Variants in RALGAPA1 observed in about 807,000 individuals in gnomAD.
RALGAPA1 encodes the protein ral GTPase-activating protein subunit alpha-1.
In RALGAPA1, 52 loss-of-function variants were observed where a neutral mutation model predicts 269.6. The observed-to-expected ratio is 0.19, with a 90% CI of 0.15 to 0.24. RALGAPA1 has a LOEUF of 0.24. Among genes scored for constraint, RALGAPA1 ranks in the 10% least tolerant of loss-of-function variants. RALGAPA1 has a pLI of 1.00. For synonymous variants in RALGAPA1, 817 were observed against 1,008.3 expected (o/e 0.81, Z 3.60); for missense variants, 1,917 against 3,013.9 (o/e 0.64, Z 8.52).
intron 37 of RALGAPA1, among the ~76,000 whole-genome samples, chr14:35,590,698 T>C (rs1470119068): frequency 6.6e-6 from 1 of 152,240 alleles, no homozygotes; most frequent in Non-Finnish European, 1.5e-5. Context: ...CTCAGTATTC[T>C]TTATAGCAAT....
At chr14:35,669,361 T>A (rs1324317675) in intron 26 of RALGAPA1, among the ~76,000 whole-genome samples, 3 of 152,186 alleles carry the variant, frequency 2.0e-5, no homozygotes, top group Non-Finnish European at 4.4e-5. Context: ...TTCAAGCGAT[T>A]CTCCTGTGTC....
chr14:35,678,002 C>A lies in RALGAPA1; in HGVS notation c.4572G>T (p.Leu1524=). 1 of 1,613,696 alleles carries A rather than the reference C, an allele frequency of 6.2e-7. No individual in the cohort carries two copies. Among genetic ancestry groups the A allele is most frequent in the Non-Finnish European group, 8.5e-7 (1 of 1,179,908 alleles). ...AGTGGTGGAGCTTCTCGTCGAGCTG[C>A]AGATCCTTCTGTTCCATGTGATCTA... ...LNIDHMEQKD[L]QLDEKLHHSV... The change falls in exon 22 of 42, where the codon CTG becomes CTT. Residue 1524 remains leucine (L), a synonymous_variant. Coordinates refer to ENST00000680220, the MANE Select transcript of RALGAPA1 (RefSeq NM_001346249.2).
At chr14:35,568,530 TA>T (rs1327378615) in intron 39 of RALGAPA1, among the ~76,000 whole-genome samples, 2 of 152,184 alleles carry the variant, frequency 1.3e-5, no homozygotes, top group Non-Finnish European at 2.9e-5. Flanking sequence ...AATGAAGCCG[TA>T]ATTCCTAAAA....
intron 37 of RALGAPA1, among the ~76,000 whole-genome samples, chr14:35,585,337 G>A (rs983460124): frequency 6.6e-6 from 1 of 151,956 alleles, no homozygotes; most frequent in African/African-American, 2.4e-5. Flanking sequence ...AAAGATAGTT[G>A]GAAAACCCCA....
At chr14:35,685,886 T>A (rs1384064756) in intron 19 of RALGAPA1, among the ~76,000 whole-genome samples, 1 of 152,152 alleles carries the variant, frequency 6.6e-6, no homozygotes, top group Non-Finnish European at 1.5e-5. Flanking sequence ...AGCGACACTC[T>A]GTCTCAAAAG....
At chr14:35,800,172 G>A (rs1019012102) in intron 1 of RALGAPA1, among the ~76,000 whole-genome samples, 3 of 152,172 alleles carry the variant, frequency 2.0e-5, no homozygotes, top group Non-Finnish European at 2.9e-5. Context: ...CTCAGTACTT[G>A]ATGAAAACAG....
chr14:35,717,351 A>G (rs1171354754), intron 16 of RALGAPA1, among the ~76,000 whole-genome samples: 4 of 152,162 alleles, frequency 2.6e-5, no homozygotes, highest in African/African-American at 9.7e-5. Flanking sequence ...GGATTTCACC[A>G]TATTAGCCAG....
At chr14:35,803,351 T>C (rs1006157966) in intron 1 of RALGAPA1, among the ~76,000 whole-genome samples, 6 of 152,166 alleles carry the variant, frequency 3.9e-5, no homozygotes, top group Middle Eastern at 3.4e-3. Context: ...AGATGAATCA[T>C]AGAGGAAAAT....
rs762805914 is a variant in RALGAPA1 at position 35,654,369 on chromosome 14, G to C, written c.5605C>G (p.Gln1869Glu). ...YQPDSPLKII[Q>E]ILIATITHLL... ...TAAATAAATGAGAAATTACTTACTT[G>C]AATAATTTTCAAGGGAGAATCAGGC... is the stretch of plus-strand genomic sequence containing the variant. The change falls in exon 30 of 42, where the codon CAA becomes GAA. Residue 1869 changes from glutamine (Q) to glutamate (E), a missense_variant and splice_region_variant. Physicochemically the swap from Gln to Glu is conservative, Grantham distance 29. Around this residue, in one of 11 missense-constraint regions of RALGAPA1, gnomAD observed 346 missense variants for 566.1 expected, o/e 0.61. Coordinates refer to ENST00000680220, the MANE Select transcript of RALGAPA1 (RefSeq NM_001346249.2). The C allele has an allele frequency of 6.3e-7, 1 of 1,582,522 alleles. No homozygotes were observed. Among genetic ancestry groups the C allele is most frequent in the Non-Finnish European group, 8.5e-7 (1 of 1,170,434 alleles).
At chr14:35,605,288 C>T (rs2059531974) in intron 36 of RALGAPA1, among the ~76,000 whole-genome samples, 2 of 152,046 alleles carry the variant, frequency 1.3e-5, no homozygotes, top group Non-Finnish European at 2.9e-5. Flanking sequence ...GCCATTAGGT[C>T]CTAGTTTGAA....
At chr14:35,639,669 G>A (rs2139809552) in intron 31 of RALGAPA1, among the ~76,000 whole-genome samples, 1 of 152,302 alleles carries the variant, frequency 6.6e-6, no homozygotes, top group East Asian at 1.9e-4. Flanking sequence ...GCCAGGTGCG[G>A]TGGCTCGTGC....
intron 27 of RALGAPA1, among the ~76,000 whole-genome samples, chr14:35,664,081 G>A (rs1464382258): frequency 6.6e-6 from 1 of 152,042 alleles, no homozygotes; most frequent in Non-Finnish European, 1.5e-5. Flanking sequence ...TCTCCTAACT[G>A]GACACAATTG....
intron 39 of RALGAPA1, among the ~76,000 whole-genome samples, chr14:35,560,224 G>A (rs2056073913): frequency 6.6e-6 from 1 of 152,154 alleles, no homozygotes; most frequent in Non-Finnish European, 1.5e-5. Context: ...AGTAGCATTA[G>A]AAAACCACAT....
At chr14:35,587,091 C>T (rs2058345967) in intron 37 of RALGAPA1, among the ~76,000 whole-genome samples, 1 of 152,170 alleles carries the variant, frequency 6.6e-6, no homozygotes, top group Non-Finnish European at 1.5e-5. Flanking sequence ...CCGTCTGGTC[C>T]TGGACTGTTG....
At chr14:35,700,800 C>A (rs1292436530) in intron 16 of RALGAPA1, among the ~76,000 whole-genome samples, 1 of 152,176 alleles carries the variant, frequency 6.6e-6, no homozygotes, top group African/African-American at 2.4e-5. Flanking sequence ...AAATCACTCA[C>A]AGGTCTTTCT....
At chr14:35,808,321 A>G (rs985098744) in intron 1 of RALGAPA1, among the ~76,000 whole-genome samples, 1 of 152,150 alleles carries the variant, frequency 6.6e-6, no homozygotes, top group African/African-American at 2.4e-5. Context: ...ATCTGCCAAG[A>G]AACTTGAAAG....
At chr14:35,747,958 G>C (rs2072280914) in intron 10 of RALGAPA1, among the ~76,000 whole-genome samples, 1 of 150,756 alleles carries the variant, frequency 6.6e-6, no homozygotes, top group African/African-American at 2.4e-5. Context: ...ACTTCAGAAT[G>C]CCTTAGAGGA....
At chr14:35,795,746 G>A (rs1283297398) in intron 1 of RALGAPA1, among the ~76,000 whole-genome samples, 2 of 151,762 alleles carry the variant, frequency 1.3e-5, no homozygotes, top group Non-Finnish European at 1.5e-5. Flanking sequence ...AGGCCAAGGT[G>A]GGCAGATCAC....
chr14:35,692,049 C>T (rs1439880361), intron 17 of RALGAPA1, among the ~76,000 whole-genome samples: 1 of 152,078 alleles, frequency 6.6e-6, no homozygotes, highest in Non-Finnish European at 1.5e-5. Flanking sequence ...TGCATCTTGA[C>T]AAACATAAAT....
Sources: gnomAD v4.1 joint callset for allele counts (sites outside exome capture counted in the v4.1 genomes callset) on GRCh38, gnomAD v4.1.1 for gene constraint, gnomAD v4.1.1 regional missense constraint, MANE v1.5 for transcripts, NCBI Gene and HGNC (gene_info 2026-07-23, HGNC 2026-07-21) for gene names.